The following PLCD4 variants were observed in gnomAD, a reference collection of about 807,000 sequenced individuals.
The protein encoded by PLCD4 is phospholipase C delta 4.
Under a neutral mutation model 90.2 loss-of-function variants are expected in PLCD4, and 63 were observed. The observed-to-expected ratio is 0.70, with a 90% CI of 0.57 to 0.86. The LOEUF is 0.86. Among genes scored for constraint, PLCD4 ranks in the 40% least tolerant of loss-of-function variants. The pLI, the probability that PLCD4 is intolerant of heterozygous loss-of-function variation, is 0.00. For synonymous variants in PLCD4, 294 were observed against 356.5 expected (o/e 0.82, Z 1.97); for missense variants, 830 against 956.3 (o/e 0.87, Z 1.74).
intron 1 of PLCD4, among the ~76,000 whole-genome samples, chr2:218,614,261 C>T (rs1166167664): frequency 2.6e-5 from 4 of 152,154 alleles, no homozygotes; most frequent in East Asian, 1.9e-4. Context: ...CTTCATGGTC[C>T]GCCCGCCTTG....
At chr2:218,615,288 T>C (rs1695528363) in intron 1 of PLCD4, among the ~76,000 whole-genome samples, 2 of 152,084 alleles carry the variant, frequency 1.3e-5, no homozygotes, top group South Asian at 4.2e-4. Flanking sequence ...TGTGGGAGCA[T>C]AGATAGAGAG....
At position 218,634,109 on chromosome 2, in the gene PLCD4, T is replaced by C. The variant is rs1452041293; in HGVS notation, c.1611T>C (p.Asn537=). 3.1e-6 allele frequency: 5 copies of C among 1,608,950 alleles called. No homozygotes were observed. The highest frequency in any genetic ancestry group is 4.2e-6 in the Non-Finnish European group (5 of 1,177,620). Residue 537 remains asparagine (N), a synonymous_variant, in exon 12 of 16, where the codon AAT becomes AAC. Coordinates refer to ENST00000450993, the MANE Select transcript of PLCD4 (RefSeq NM_032726.4). This position sits in a 1 kb window ranked among gnomAD's most constrained non-coding sequence, Gnocchi z 4.0. The part of the protein sequence containing the change: ...KAKRLIKEAG[N]EFVQHNTWQL... ...CCTCTCTATACCCTTTTACAGGCAA[T>C]GAGTTTGTGCAGCACAATACTTGGC...
chr2:218,610,318 C>T (rs1419473580), intron 1 of PLCD4, among the ~76,000 whole-genome samples: 1 of 151,390 alleles, frequency 6.6e-6, no homozygotes, highest in African/African-American at 2.4e-5. Flanking sequence ...ACCAGCCTGG[C>T]CAACATAGTG....
rs1236356361 is a variant in PLCD4 at position 218,634,993 on chromosome 2, G to A, written c.1896+363G>A. On this transcript the variant is annotated intron_variant, in intron 13 of 15. Coordinates refer to ENST00000450993, the MANE Select transcript of PLCD4 (RefSeq NM_032726.4). This position sits in a 1 kb window ranked among gnomAD's most constrained non-coding sequence, Gnocchi z 4.0. ...GATAGCTTACACCTGTAATCCCAGC[G>A]CTTTGGAGGCCAAGGCAGGAGGACT... is the stretch of plus-strand genomic sequence containing the variant. Among the ~76,000 whole-genome samples the A allele has an allele frequency of 2.0e-5, 3 of 152,110 alleles. No homozygotes were observed. The highest frequency in any genetic ancestry group is 2.9e-5 in the Non-Finnish European group (2 of 68,010).
chr2:218,632,050 G>C (rs1575036991), intron 9 of PLCD4, 86 bp from the exon 10 acceptor site: 1 of 1,409,844 alleles, frequency 7.1e-7, no homozygotes, highest in East Asian at 2.5e-5. Context: ...CACTTCCTCT[G>C]CCTTTGAGAA....
chr2:218,629,594 C>T lies in PLCD4; in HGVS notation c.1050C>T (p.His350=), dbSNP rs115204095. The T allele has an allele frequency of 5.7e-4, 916 of 1,613,650 alleles. No homozygotes were observed. In the African/African-American group the frequency reaches 0.011, roughly 19 times the overall value. ...CTAGCGGGGAACCTGTCGTTTACCACGGACACACCCTGACCTCCCGCATCC... is the reference window on the plus strand; with the variant it reads ...CTAGCGGGGAACCTGTCGTTTACCATGGACACACCCTGACCTCCCGCATCC... ...DGPSGEPVVY[H]GHTLTSRILF... Residue 350 remains histidine (H), a synonymous_variant, in exon 8 of 16, where the codon CAC becomes CAT. Coordinates refer to ENST00000450993, the MANE Select transcript of PLCD4 (RefSeq NM_032726.4).
At chr2:218,625,865 C>T (rs925277037) in intron 6 of PLCD4, among the ~76,000 whole-genome samples, 1 of 152,018 alleles carries the variant, frequency 6.6e-6, no homozygotes, top group Non-Finnish European at 1.5e-5. Context: ...ACCCGGGAGG[C>T]GGAGGTTGCA....
rs1348232892 is a variant in PLCD4 at position 218,633,714 on chromosome 2, TATC to T, written c.1563_1565del (p.Ser522del). ...AAGGAGCACTACCACTTCTACGAGA[TATC>T]ATCTTTCTCTGAAACCAAGGCCAAG... On this transcript the variant is annotated inframe_deletion, in exon 11 of 16. Coordinates refer to ENST00000450993, the MANE Select transcript of PLCD4 (RefSeq NM_032726.4). The T allele has an allele frequency of 6.2e-7, 1 of 1,613,960 alleles. No individual in the cohort carries two copies. The highest frequency in any genetic ancestry group is 8.5e-7 in the Non-Finnish European group (1 of 1,179,884).
At chr2:218,613,114 G>C (rs1695413977) in intron 1 of PLCD4, among the ~76,000 whole-genome samples, 1 of 152,128 alleles carries the variant, frequency 6.6e-6, no homozygotes, top group Non-Finnish European at 1.5e-5. Flanking sequence ...AACATGGCTG[G>C]GTGAGGTGGC....
Position 218,630,640 on chromosome 2 carries a change from T to G in PLCD4, c.1120-10T>G. 2 of 1,613,978 alleles carry G rather than the reference T, an allele frequency of 1.2e-6. No individual in the cohort carries two copies. The highest frequency in any genetic ancestry group is 3.3e-5 in the Admixed American group (2 of 60,016). ...ACTCTGAATCCATTGTTCCCTCCCC[T>G]CACCACCAGACATCAGACTACCCAG... is the stretch of plus-strand genomic sequence containing the variant. On this transcript the variant is annotated splice_polypyrimidine_tract_variant and intron_variant, in intron 8 of 15. Transcript: ENST00000450993.
chr2:218,620,457 T>C (rs1180655588), intron 4 of PLCD4, among the ~76,000 whole-genome samples: 1 of 151,364 alleles, frequency 6.6e-6, no homozygotes, highest in Non-Finnish European at 1.5e-5. Context: ...GCCGAGATGG[T>C]GCCACTGCAC....
At chr2:218,608,917 T>C (rs1398155457) in intron 1 of PLCD4, among the ~76,000 whole-genome samples, 1 of 151,870 alleles carries the variant, frequency 6.6e-6, no homozygotes, top group Non-Finnish European at 1.5e-5. Context: ...GGCGGGTGGA[T>C]CACGAGGTCA....
intron 6 of PLCD4, among the ~76,000 whole-genome samples, chr2:218,627,115 G>A (rs919390604): frequency 6.6e-6 from 1 of 151,316 alleles, no homozygotes; most frequent in Admixed American, 6.6e-5. Flanking sequence ...AAAAAAAAGA[G>A]CCGGGTGTAG....
chr2:218,633,877 T>A, intron 11 of PLCD4, 116 bp downstream of exon 11: 18 of 1,095,904 alleles, frequency 1.6e-5, no homozygotes, highest in African/African-American at 3.2e-5. Flanking sequence ...GATGAAGGAG[T>A]TCAGAAACTC....
intron 3 of PLCD4, among the ~76,000 whole-genome samples, chr2:218,617,246 G>A (rs1303400752): frequency 4.1e-5 from 6 of 146,650 alleles, no homozygotes; most frequent in Admixed American, 4.1e-4. Flanking sequence ...TTACAGGCGT[G>A]AGCCACTGCA....
Position 218,634,713 on chromosome 2 carries a change from T to A in PLCD4, c.1896+83T>A. The A allele has an allele frequency of 6.8e-7, 1 of 1,465,848 alleles. No individual in the cohort carries two copies. The highest frequency in any genetic ancestry group is 9.3e-7 in the Non-Finnish European group (1 of 1,073,718). 90.8% of individuals were successfully genotyped at this position (1,465,848 alleles called of 1,614,324 possible). On this transcript the variant is annotated intron_variant, in intron 13 of 15. Transcript: ENST00000450993. The surrounding 1 kb of genome is among the most constrained non-coding windows in gnomAD (Gnocchi z 4.0). The stretch of plus-strand genomic sequence containing the variant: ...AAGAGGTGGCTAGGCCTGACCGGAA[T>A]GTAGAGGCCGGATAGCCTATTAACA...
chr2:218,633,874 GAGTT>G, intron 11 of PLCD4, 113 bp downstream of exon 11: 3 of 1,061,108 alleles, frequency 2.8e-6, no homozygotes, highest in Non-Finnish European at 4.2e-6. Context: ...AGAGATGAAG[GAGTT>G]CAGAAACTCC....
Position 218,629,540 on chromosome 2 carries a change from C to T in PLCD4, c.996C>T (p.Arg332=), listed in dbSNP as rs1004077852. The T allele has an allele frequency of 6.2e-7, 1 of 1,613,596 alleles. No homozygotes were observed. Among genetic ancestry groups the T allele is most frequent in the South Asian group, 1.1e-5 (1 of 91,018 alleles). Residue 332 remains arginine (R), a synonymous_variant, in exon 8 of 16, where the codon CGC becomes CGT. Transcript: ENST00000450993. ...GYIRALKRGC[R]CVEVDVWDGP... is the part of the protein sequence containing the mutation. Reference sequence around the variant, plus strand: ...TCAGGGCCCTGAAGCGGGGGTGCCGCTGCGTGGAGGTGGATGTATGGGATG... The same window carrying T: ...TCAGGGCCCTGAAGCGGGGGTGCCGTTGCGTGGAGGTGGATGTATGGGATG...
chr2:218,633,305 A>AT, intron 10 of PLCD4: 1 of 693,896 alleles, frequency 1.4e-6, no homozygotes, highest in Non-Finnish European at 2.6e-6. Context: ...AGGATATAAC[A>AT]TAGAGCAAAC....
Sources: gnomAD v4.1 joint callset for allele counts (sites outside exome capture counted in the v4.1 genomes callset) on GRCh38, gnomAD v4.1.1 for gene constraint, Gnocchi (gnomAD v3.1) non-coding constraint, MANE v1.5 for transcripts, NCBI Gene and HGNC (gene_info 2026-07-23, HGNC 2026-07-21) for gene names.